The following RNF157 variants were observed in gnomAD, a reference collection of about 807,000 sequenced individuals.
RNF157 encodes the protein ring finger protein 157, also known as E3 ubiquitin ligase RNF157.
In RNF157, 55 loss-of-function variants were observed where a neutral mutation model predicts 88.3. The ratio of observed to expected loss-of-function variants is 0.62; its 90% confidence interval spans 0.50 to 0.78. The LOEUF is 0.78. Among genes scored for constraint, RNF157 ranks in the 30% least tolerant of loss-of-function variants. The pLI is 0.00. For synonymous variants in RNF157, 334 were observed against 341.2 expected (o/e 0.98, Z 0.23); for missense variants, 788 against 860.8 (o/e 0.92, Z 1.06).
In RNF157 at chr17:76,164,800, A is replaced by G. The variant is rs1410261062; in HGVS notation, c.673-5T>C. ...ACAGAAAGTTCCATCTGTGTGCTGG[A>G]ATGAAAATATGAAAGTTATGACAAG... On this transcript the variant is annotated splice_region_variant and splice_polypyrimidine_tract_variant and intron_variant, in intron 7 of 18. Transcript: ENST00000269391. 1.9e-6 allele frequency: 3 copies of G among 1,609,102 alleles called. No homozygotes were observed. Among genetic ancestry groups the G allele is most frequent in the South Asian group, 2.2e-5 (2 of 90,692 alleles).
chr17:76,222,080 C>T (rs1490446570), intron 1 of RNF157, among the ~76,000 whole-genome samples: 2 of 152,320 alleles, frequency 1.3e-5, no homozygotes, highest in Non-Finnish European at 2.9e-5. Context: ...TTCTAGAGGC[C>T]GGGCGCAGTG....
intron 1 of RNF157, among the ~76,000 whole-genome samples, chr17:76,218,939 A>G (rs2069935887): frequency 6.6e-6 from 1 of 152,120 alleles, no homozygotes; most frequent in African/African-American, 2.4e-5. Flanking sequence ...ATCTCAAAAA[A>G]ATAAAAAAAA....
In RNF157 at chr17:76,176,667, A is replaced by G. The variant is rs1011267250; in HGVS notation, c.208-2877T>C. On this transcript the variant is annotated intron_variant, in intron 2 of 18. Transcript: ENST00000269391. This position sits in a 1 kb window ranked among gnomAD's most constrained non-coding sequence, Gnocchi z 4.2. ...AGCTTGCCGCCCTGGAGGCCACCCC[A>G]TGGGGCTGGCCGGGTTACCCACCAG... Among the ~76,000 whole-genome samples the G allele has an allele frequency of 6.6e-6, 1 of 152,086 alleles. No individual in the cohort carries two copies. Among genetic ancestry groups the G allele is most frequent in the African/African-American group, 2.4e-5 (1 of 41,428 alleles).
At chr17:76,174,600 C>T (rs941246819) in intron 2 of RNF157, among the ~76,000 whole-genome samples, 3 of 152,146 alleles carry the variant, frequency 2.0e-5, no homozygotes, top group African/African-American at 7.2e-5. Context: ...CCCAAAAAAC[C>T]TACTGGTCTC....
rs548813095 is a variant in RNF157, at chr17:76,156,242, G to A, written c.1493C>T (p.Thr498Met). 12 of 1,614,074 alleles carry A rather than the reference G, an allele frequency of 7.4e-6. No individual in the cohort carries two copies. The highest frequency in any genetic ancestry group is 3.3e-5 in the South Asian group (3 of 91,084). ...GGAGGAAATAGTGGATGACAGAGGCGTCCCTGTGCAAGACGACTGGTCAAT... is the reference window on the plus strand; with the variant it reads ...GGAGGAAATAGTGGATGACAGAGGCATCCCTGTGCAAGACGACTGGTCAAT... ...GAIDQSSCTG[T>M]PLSSTISSPE... The change falls in exon 14 of 19, where the codon ACG (threonine) becomes ATG (methionine). Residue 498 changes from threonine (T) to methionine (M), a missense_variant. Transcript: ENST00000269391.
intron 3 of RNF157, among the ~76,000 whole-genome samples, chr17:76,170,142 C>T (rs1263828072): frequency 6.6e-6 from 1 of 152,162 alleles, no homozygotes; most frequent in Non-Finnish European, 1.5e-5. Context: ...GTTTTCCTCT[C>T]TCTTGACAAA....
intron 8 of RNF157, 80 bp downstream of exon 8, chr17:76,164,668 A>C: frequency 1.3e-6 from 1 of 787,740 alleles, no homozygotes. Context: ...ATAAAAAAAG[A>C]GGGAGAGAGA....
chr17:76,147,157 T>C, intron 18 of RNF157: 1 of 984,950 alleles, frequency 1.0e-6, no homozygotes, highest in Non-Finnish European at 1.2e-6. Flanking sequence ...TGGCACTATG[T>C]GTCTAAGTGT....
At chr17:76,222,755 C>A (rs762319186) in intron 1 of RNF157, among the ~76,000 whole-genome samples, 3 of 152,156 alleles carry the variant, frequency 2.0e-5, no homozygotes, top group Non-Finnish European at 4.4e-5. Context: ...ACATCTCAAC[C>A]CTGCACCTGT....
At chr17:76,171,334 G>GCA (rs2069011303) in intron 3 of RNF157, among the ~76,000 whole-genome samples, 1 of 151,972 alleles carries the variant, frequency 6.6e-6, no homozygotes, top group Non-Finnish European at 1.5e-5. Flanking sequence ...GATTACAGAT[G>GCA]CGTGCCACCA....
At chr17:76,169,045 T>G (rs2068972069) in intron 3 of RNF157, among the ~76,000 whole-genome samples, 1 of 152,214 alleles carries the variant, frequency 6.6e-6, no homozygotes, top group Non-Finnish European at 1.5e-5. Flanking sequence ...TTTAGAAACT[T>G]GTACCCTCTG....
chr17:76,161,535 T>C lies in RNF157; in HGVS notation c.1065A>G (p.Pro355=), dbSNP rs1354725381. Reference sequence around the variant, plus strand: ...GGCCGTGGTTCCGAGCCCAACTTACTGGATGCTCTTCAGAGTCAGATGTCT... The same window carrying C: ...GGCCGTGGTTCCGAGCCCAACTTACCGGATGCTCTTCAGAGTCAGATGTCT... ...SSQTSDSEEH[P]SSENIPPGYE... Residue 355 remains proline, a splice_region_variant and synonymous_variant, in exon 11 of 19, where the codon CCA becomes CCG. Coordinates refer to ENST00000269391, the MANE Select transcript of RNF157 (RefSeq NM_052916.3). This position sits in a 1 kb window ranked among gnomAD's most constrained non-coding sequence, Gnocchi z 4.6. The C allele has an allele frequency of 6.2e-7, 1 of 1,612,678 alleles. No homozygotes were observed. The highest frequency in any genetic ancestry group is 1.3e-5 in the African/African-American group (1 of 74,900).
intron 2 of RNF157, among the ~76,000 whole-genome samples, chr17:76,194,665 G>C (rs2144956722): frequency 6.6e-6 from 1 of 152,288 alleles, no homozygotes; most frequent in South Asian, 2.1e-4. Flanking sequence ...GCTTTCTTCT[G>C]AATTGCTACT....
At position 76,224,716 on chromosome 17, in the gene RNF157, C is replaced by CT. The variant is rs200375432; in HGVS notation, c.89-12235dup. On this transcript the variant is annotated intron_variant, in intron 1 of 18. Transcript: ENST00000269391. ...ACTAACACTACTGATAGCTGATAAG[C>CT]TTTAAAAAAAAAAAAGAAAGAAACT... Among the ~76,000 whole-genome samples the CT allele has an allele frequency of 1.0e-3, 136 of 132,474 alleles. 4 individuals are homozygous for CT. The East Asian group carries it at 0.032, about 31-fold the overall frequency. The allele number at this position is 132,474 out of a possible 152,430, so 86.9% of individuals were successfully genotyped here.
chr17:76,200,731 T>G (rs1452410555), intron 2 of RNF157, among the ~76,000 whole-genome samples: 3 of 152,216 alleles, frequency 2.0e-5, no homozygotes, highest in Non-Finnish European at 2.9e-5. Flanking sequence ...AGTGAAACTC[T>G]TTAAAGCCCT....
chr17:76,171,633 C>T (rs1257002020), intron 3 of RNF157, among the ~76,000 whole-genome samples: 2 of 152,186 alleles, frequency 1.3e-5, no homozygotes, highest in African/African-American at 2.4e-5. Context: ...AAACAAAGAA[C>T]ACCCTTCAAG....
chr17:76,188,785 C>T (rs1002304580), intron 2 of RNF157, among the ~76,000 whole-genome samples: 4 of 152,132 alleles, frequency 2.6e-5, no homozygotes, highest in African/African-American at 4.8e-5. Flanking sequence ...TGGCTTCTAA[C>T]GAATACATCA....
In RNF157 at chr17:76,210,368, C is replaced by T. The variant is rs184349885; in HGVS notation, c.207+1996G>A. The stretch of plus-strand genomic sequence containing the variant: ...CAGCACTTTGGGAGGCCAAGGTGGG[C>T]GGATCACGAGGTCAGATCGAGACCA... On this transcript the variant is annotated intron_variant, in intron 2 of 18. Coordinates refer to ENST00000269391, the MANE Select transcript of RNF157 (RefSeq NM_052916.3). 9.8e-3 allele frequency among the ~76,000 whole-genome samples: 1,488 copies of T among 151,674 alleles called. 27 individuals are homozygous for T. The highest frequency in any genetic ancestry group is 0.028 in the African/African-American group (1,163 of 41,368).
intron 2 of RNF157, among the ~76,000 whole-genome samples, chr17:76,205,551 C>A (rs1425935007): frequency 6.6e-6 from 1 of 151,776 alleles, no homozygotes; most frequent in African/African-American, 2.4e-5. Context: ...ATGGTGAAAC[C>A]CCGTCTCTAC....
Sources: allele counts gnomAD v4.1 joint callset (sites outside exome capture counted in the v4.1 genomes callset), GRCh38; gene constraint gnomAD v4.1.1; non-coding constraint Gnocchi (gnomAD v3.1); transcripts MANE v1.5; gene names NCBI Gene and HGNC (gene_info 2026-07-23, HGNC 2026-07-21).